RUVBL1: variants seen among roughly 807,000 people sequenced by gnomAD.
The protein encoded by RUVBL1 is ruvB-like 1.
A neutral mutation model predicts 52.4 loss-of-function variants in RUVBL1; 4 were observed. The observed-to-expected ratio is 0.08, with a 90% CI of 0.04 to 0.17. The LOEUF (loss-of-function observed/expected upper bound fraction) is 0.17, where lower values mean the gene tolerates loss of function less well. Among genes scored for constraint, RUVBL1 ranks in the 10% least tolerant of loss-of-function variants. The probability of loss-of-function intolerance (pLI) is 1.00; values close to 1 mark genes in which losing one functional copy is unlikely to be tolerated. For synonymous variants in RUVBL1, 217 were observed against 214.4 expected, an observed-to-expected ratio of 1.01 and a Z score of -0.10; for missense variants, 298 against 572.8, an observed-to-expected ratio of 0.52 and a Z score of 4.90.
chr3:128,152,696 C>G (rs548900452), intron 1 of RUVBL1, among the ~76,000 whole-genome samples: 2 of 152,180 alleles, frequency 1.3e-5, no homozygotes, highest in South Asian at 2.1e-4. Context: ...TTCCTAGTCT[C>G]GCTGACTTCA....
Position 128,067,863 on chromosome 3 carries a change from T to A in RUVBL1, c.940-2643A>T, listed in dbSNP as rs557900408. ...TGACTTCCTTGCGGCAGTTTTAAAGTTCTCTGTATGAATATTGTCAGTGCT... is the reference window on the plus strand; with the variant it reads ...TGACTTCCTTGCGGCAGTTTTAAAGATCTCTGTATGAATATTGTCAGTGCT... On this transcript the variant is annotated intron_variant, in intron 9 of 9. Transcript: ENST00000464873. The surrounding 1 kb of genome is among the most constrained non-coding windows in gnomAD (Gnocchi z 4.1). 1.9e-5 allele frequency: 16 copies of A among 827,486 alleles called. No individual in the cohort carries two copies. The South Asian group carries it at 2.2e-4, about 12-fold the overall frequency. The allele number at this position is 827,486 out of a possible 1,614,324, so 51.3% of individuals were successfully genotyped here. A position where few individuals can be genotyped will look rare whatever the true frequency, so the allele number is the denominator to read the frequency against.
chr3:128,122,763 T>A (rs746165188), intron 1 of RUVBL1, among the ~76,000 whole-genome samples: 1 of 152,238 alleles, frequency 6.6e-6, no homozygotes, highest in Non-Finnish European at 1.5e-5. Context: ...AGAGGGTGGC[T>A]GTATCATCAT....
At position 128,104,890 on chromosome 3, in the gene RUVBL1, T is replaced by C. The variant is rs779353909; in HGVS notation, c.396A>G (p.Glu132=). ...ACGGAGTTAGCTCTGTGACTTCACC[T>C]TCATAAACTTCCTTGGTCTCCTTTA... ...LRIKETKEVY[E]GEVTELTPCE... is the part of the protein sequence containing the mutation. The change falls in exon 4 of 11, where the codon GAA becomes GAG. Residue 132 remains glutamate (E), a synonymous_variant. Transcript: ENST00000322623. 5 of 1,611,336 alleles carry C rather than the reference T, an allele frequency of 3.1e-6. No homozygotes were observed. In the African/African-American group the frequency reaches 5.3e-5, roughly 17 times the overall value.
intron 2 of RUVBL1, among the ~76,000 whole-genome samples, chr3:128,116,194 A>C (rs779663807): frequency 5.3e-5 from 8 of 152,008 alleles, no homozygotes; most frequent in Non-Finnish European, 1.0e-4. Context: ...AAAAAAACAT[A>C]AAAGAGGACT....
intron 1 of RUVBL1, among the ~76,000 whole-genome samples, chr3:128,152,914 G>GT (rs1559843230): frequency 8.4e-3 from 14 of 1,666 alleles, no homozygotes; most frequent in South Asian, 0.033. Flanking sequence ...GCCCTCCCCC[G>GT]CCCCCCGCCG....
chr3:128,147,321 T>C (rs1444259085), intron 1 of RUVBL1, among the ~76,000 whole-genome samples: 1 of 152,094 alleles, frequency 6.6e-6, no homozygotes, highest in African/African-American at 2.4e-5. Flanking sequence ...CTTCCCACCT[T>C]GGCCTCCCAA....
At chr3:128,085,592 T>C (rs1942621165) in intron 9 of RUVBL1, among the ~76,000 whole-genome samples, 1 of 152,206 alleles carries the variant, frequency 6.6e-6, no homozygotes, top group African/African-American at 2.4e-5. Context: ...ACATATACAA[T>C]TGCTACTATG....
At chr3:128,131,020 G>A (rs567186339) in intron 1 of RUVBL1, among the ~76,000 whole-genome samples, 24 of 152,018 alleles carry the variant, frequency 1.6e-4, no homozygotes, top group Non-Finnish European at 2.2e-4. Context: ...TTGGGAGGCT[G>A]AGGCGGTAGG....
intron 9 of RUVBL1, among the ~76,000 whole-genome samples, chr3:128,086,968 A>G (rs1942661398): frequency 6.6e-6 from 1 of 152,260 alleles, no homozygotes; most frequent in Non-Finnish European, 1.5e-5. Flanking sequence ...GATGCTTCCA[A>G]GGGTCCTCCA....
chr3:128,112,252 T>C (rs904042070), intron 3 of RUVBL1, among the ~76,000 whole-genome samples: 7 of 152,200 alleles, frequency 4.6e-5, no homozygotes, highest in African/African-American at 1.7e-4. Context: ...AGATGTCGGA[T>C]CAAACTACTT....
At chr3:128,119,474 A>C in intron 1 of RUVBL1, 60 bp from the exon 2 acceptor site, 1 of 1,401,694 alleles carries the variant, frequency 7.1e-7, no homozygotes, top group South Asian at 1.2e-5. Flanking sequence ...CAAGGGGAAA[A>C]ATCTCAGTCC....
At chr3:128,115,862 A>G (rs990333387) in intron 2 of RUVBL1, among the ~76,000 whole-genome samples, 1 of 152,238 alleles carries the variant, frequency 6.6e-6, no homozygotes, top group Admixed American at 6.5e-5. Flanking sequence ...ACGGTGGCTC[A>G]AGCCTGCAAT....
At chr3:128,103,242 T>C (rs1943144858) in intron 4 of RUVBL1, among the ~76,000 whole-genome samples, 1 of 152,248 alleles carries the variant, frequency 6.6e-6, no homozygotes, top group African/African-American at 2.4e-5. Context: ...CTGTCCTACA[T>C]TGGAGAATAT....
At chr3:128,077,210 G>C (rs1942360799), downstream of RUVBL1, among the ~76,000 whole-genome samples, 1 of 152,116 alleles carries the variant, frequency 6.6e-6, no homozygotes, top group Admixed American at 6.5e-5. Flanking sequence ...GTGACGGGAG[G>C]GGCGGCAGGG....
intron 2 of RUVBL1, among the ~76,000 whole-genome samples, chr3:128,117,100 C>G (rs962506079): frequency 4.6e-5 from 7 of 152,016 alleles, no homozygotes; most frequent in African/African-American, 1.7e-4. Context: ...ACTATTCTTT[C>G]AAGTTTTTTG....
At chr3:128,074,065 C>T (rs746386469) in intron 9 of RUVBL1, among the ~76,000 whole-genome samples, 4 of 152,158 alleles carry the variant, frequency 2.6e-5, no homozygotes, top group Admixed American at 6.5e-5. Context: ...TCCCATAAAA[C>T]TAGACATACA....
chr3:128,149,194 T>A (rs1576494161), intron 1 of RUVBL1, among the ~76,000 whole-genome samples: 1 of 151,014 alleles, frequency 6.6e-6, no homozygotes, highest in Non-Finnish European at 1.5e-5. Flanking sequence ...TCTTTCTTTT[T>A]TTTTTTTTTT....
At chr3:128,074,882 C>T (rs1024190808) in intron 9 of RUVBL1, among the ~76,000 whole-genome samples, 2 of 143,266 alleles carry the variant, frequency 1.4e-5, no homozygotes, top group African/African-American at 5.2e-5. Context: ...AAACCATAAT[C>T]AAGTACTGAA....
intron 2 of RUVBL1, among the ~76,000 whole-genome samples, chr3:128,114,929 T>C (rs1488215793): frequency 6.6e-6 from 1 of 151,968 alleles, no homozygotes; most frequent in African/African-American, 2.4e-5. Flanking sequence ...CCACATCCAA[T>C]TCAATGGCAC....
Sources: allele counts gnomAD v4.1 joint callset (sites outside exome capture counted in the v4.1 genomes callset), GRCh38; gene constraint gnomAD v4.1.1; non-coding constraint Gnocchi (gnomAD v3.1); transcripts MANE v1.5; gene names NCBI Gene and HGNC (gene_info 2026-07-23, HGNC 2026-07-21).